The following PCDHGA1 variants were observed in gnomAD, a reference collection of about 807,000 sequenced individuals.
PCDHGA1 encodes the protein protocadherin gamma-A1.
PCDHGA1 carries 32 observed loss-of-function variants against 58.0 expected under a neutral mutation model. The observed-to-expected ratio is 0.55, with a 90% confidence interval of 0.42 to 0.74. The LOEUF (loss-of-function observed/expected upper bound fraction) is 0.74, where lower values mean the gene tolerates loss of function less well. PCDHGA1 is among the 30% of genes least tolerant of loss of function. The pLI is 0.00. For missense variants in PCDHGA1, 1,205 were observed against 1,182.3 expected (o/e 1.02, Z -0.28); for synonymous variants, 498 against 501.1 (o/e 0.99, Z 0.08).
intron 1 of PCDHGA1, chr5:141,424,160 CATCT>C (rs1554117117): frequency 1.5e-5 from 4 of 273,202 alleles, no homozygotes; most frequent in South Asian, 1.4e-4. Flanking sequence ...CTCTCCTTCT[CATCT>C]ATCTATCTAT....
chr5:141,345,018 T>C lies in PCDHGA1; in HGVS notation c.2421+11913T>C, dbSNP rs1360482525. Reference sequence around the variant, plus strand: ...AGCACAGGATGGACCAGGTCTTCTTTCAAGAGCCAAGATTCTAGTCACGGT... The same window carrying C: ...AGCACAGGATGGACCAGGTCTTCTTCCAAGAGCCAAGATTCTAGTCACGGT... On this transcript the variant is annotated intron_variant, in intron 1 of 3. Coordinates refer to ENST00000517417, the MANE Select transcript of PCDHGA1 (RefSeq NM_018912.3). The C allele has an allele frequency of 1.2e-6, 2 of 1,613,900 alleles. No homozygotes were observed. The highest frequency in any genetic ancestry group is 1.7e-6 in the Non-Finnish European group (2 of 1,179,900).
At chr5:141,350,900 G>A (rs773546410) in intron 1 of PCDHGA1, 1 of 1,614,042 alleles carries the variant, frequency 6.2e-7, no homozygotes, top group Admixed American at 1.7e-5. Flanking sequence ...TGCCATGGAT[G>A]GCGGGGACCC....
At chr5:141,502,001 C>T (rs2099812274) in intron 2 of PCDHGA1, among the ~76,000 whole-genome samples, 2 of 152,106 alleles carry the variant, frequency 1.3e-5, no homozygotes, top group Admixed American at 1.3e-4. Flanking sequence ...CCCTGACAAC[C>T]CGCATGCTCT....
chr5:141,446,458 G>A (rs2098502933), intron 1 of PCDHGA1, among the ~76,000 whole-genome samples: 1 of 151,662 alleles, frequency 6.6e-6, no homozygotes, highest in African/African-American at 2.4e-5. Flanking sequence ...TATTCAGTGT[G>A]TGATTAGACA....
intron 1 of PCDHGA1, chr5:141,372,267 G>A (rs763070594): frequency 6.2e-7 from 1 of 1,613,174 alleles, no homozygotes; most frequent in Non-Finnish European, 8.5e-7. Flanking sequence ...GCGCACGGGT[G>A]AGGTGCGCAC....
At position 141,344,594 on chromosome 5, in the gene PCDHGA1, G is replaced by A. The variant is rs112672535; in HGVS notation, c.2421+11489G>A. On this transcript the variant is annotated intron_variant, in intron 1 of 3. Coordinates refer to ENST00000517417, the MANE Select transcript of PCDHGA1 (RefSeq NM_018912.3). ...CTCTGGCTGTGAATAGCGTCTCTGA[G>A]GGGGCCAAGTATCCAGAGCTGGTGC... 39 of 1,613,988 alleles carry A rather than the reference G, an allele frequency of 2.4e-5. 2 individuals carry two copies. The African/African-American group carries it at 2.8e-4, about 12-fold the overall frequency.
In PCDHGA1 at chr5:141,487,470, G is replaced by C; in HGVS notation, c.2422-7337G>C. ...GACCCTATCAAGTTTGTTGATGTGG[G>C]AGGCCACTCTCATGGCTGTACACCC... On this transcript the variant is annotated intron_variant, in intron 1 of 3. Coordinates refer to ENST00000517417, the MANE Select transcript of PCDHGA1 (RefSeq NM_018912.3). The surrounding 1 kb of genome is among the most constrained non-coding windows in gnomAD (Gnocchi z 5.0). The C allele has an allele frequency of 1.9e-6, 3 of 1,614,162 alleles. No individual in the cohort carries two copies. Among genetic ancestry groups the C allele is most frequent in the South Asian group, 1.1e-5 (1 of 91,084 alleles).
chr5:141,474,955 T>C (rs2099356879), intron 1 of PCDHGA1, among the ~76,000 whole-genome samples: 1 of 152,254 alleles, frequency 6.6e-6, no homozygotes, highest in African/African-American at 2.4e-5. Context: ...TTTTATTCAC[T>C]ATCCTAATCA....
intron 1 of PCDHGA1, chr5:141,355,674 T>C: frequency 6.2e-7 from 1 of 1,614,040 alleles, no homozygotes; most frequent in East Asian, 2.2e-5. Context: ...CTGAAGCTTT[T>C]GATCCGGATG....
At chr5:141,344,118 G>C in intron 1 of PCDHGA1, 1 of 1,613,992 alleles carries the variant, frequency 6.2e-7, no homozygotes. Context: ...AACAGGATCC[G>C]GTCAGATCCG....
chr5:141,464,769 T>C (rs2154568595), intron 1 of PCDHGA1, among the ~76,000 whole-genome samples: 1 of 152,328 alleles, frequency 6.6e-6, no homozygotes. Flanking sequence ...ACAGGAATCT[T>C]GTTCTGTTGC....
rs535002528 is a variant in PCDHGA1 at position 141,396,788 on chromosome 5, T to C, written c.2421+63683T>C. On this transcript the variant is annotated intron_variant, in intron 1 of 3. Transcript: ENST00000517417. ...GTTTGTTATTAATGAAAAGGACATT[T>C]CCTAAGGATTGTGTAGTGTTCTACT... Among the ~76,000 whole-genome samples, 53 of 152,322 alleles carry C rather than the reference T, an allele frequency of 3.5e-4. 2 individuals are homozygous for C. Among genetic ancestry groups the C allele is most frequent in the Admixed American group, 3.3e-3 (50 of 15,300 alleles).
rs776015544 is a variant in PCDHGA1, at chr5:141,485,125, G to C, written c.2422-9682G>C. The C allele has an allele frequency of 7.1e-7, 1 of 1,412,278 alleles. No homozygotes were observed. Among genetic ancestry groups the C allele is most frequent in the Admixed American group, 1.7e-5 (1 of 57,660 alleles). 87.5% of individuals were successfully genotyped at this position (1,412,278 alleles called of 1,614,324 possible). On this transcript the variant is annotated intron_variant, in intron 1 of 3. Transcript: ENST00000517417. The surrounding 1 kb of genome is among the most constrained non-coding windows in gnomAD (Gnocchi z 5.7). The stretch of plus-strand genomic sequence containing the variant: ...CTGCTGTGGCTGTTTGGGGCGGGTC[G>C]GCTTCATCCGCGTCTCAGGAGCAAG...
chr5:141,389,429 G>T, intron 1 of PCDHGA1: 1 of 1,610,654 alleles, frequency 6.2e-7, no homozygotes, highest in East Asian at 2.2e-5. Flanking sequence ...TGTTCGCGCA[G>T]CGCGCCTTCG....
At chr5:141,506,609 T>C (rs1375963880) in intron 3 of PCDHGA1, among the ~76,000 whole-genome samples, 1 of 152,184 alleles carries the variant, frequency 6.6e-6, no homozygotes, top group African/African-American at 2.4e-5. Context: ...GATCTCATTG[T>C]GGTGTTACCA....
chr5:141,424,655 TTTAA>T (rs1162406206), intron 1 of PCDHGA1: 3 of 152,238 alleles, frequency 2.0e-5, no homozygotes, highest in Non-Finnish European at 4.4e-5. Flanking sequence ...GTATTTGGAC[TTTAA>T]TTAAACTGAT....
chr5:141,455,725 C>T (rs1001661569), intron 1 of PCDHGA1, among the ~76,000 whole-genome samples: 4 of 152,136 alleles, frequency 2.6e-5, no homozygotes, highest in South Asian at 2.1e-4. Context: ...TAATGGCCTG[C>T]ATTTGCATAT....
Position 141,491,611 on chromosome 5 carries a change from A to G in PCDHGA1, c.2422-3196A>G. The G allele has an allele frequency of 6.2e-7, 1 of 1,613,866 alleles. No individual in the cohort carries two copies. The highest frequency in any genetic ancestry group is 8.5e-7 in the Non-Finnish European group (1 of 1,180,018). Reference sequence around the variant, plus strand: ...GGACGGCAGTGACTTCACTTTTCTAAGACCCCTCAGCGTTCAGCAGCCCAC... The same window carrying G: ...GGACGGCAGTGACTTCACTTTTCTAGGACCCCTCAGCGTTCAGCAGCCCAC... On this transcript the variant is annotated intron_variant, in intron 1 of 3. Transcript: ENST00000517417. This position sits in a 1 kb window ranked among gnomAD's most constrained non-coding sequence, Gnocchi z 6.9.
chr5:141,380,114 G>T (rs1776224365), intron 1 of PCDHGA1, among the ~76,000 whole-genome samples: 1 of 151,828 alleles, frequency 6.6e-6, no homozygotes, highest in Non-Finnish European at 1.5e-5. Context: ...TGGCCAGGCT[G>T]GTCTCAAACT....
Sources: gnomAD v4.1 joint callset for allele counts (sites outside exome capture counted in the v4.1 genomes callset) on GRCh38, gnomAD v4.1.1 for gene constraint, Gnocchi (gnomAD v3.1) non-coding constraint, MANE v1.5 for transcripts, NCBI Gene and HGNC (gene_info 2026-07-23, HGNC 2026-07-21) for gene names.